The following COMP variants were observed in gnomAD, a reference collection of about 807,000 sequenced individuals.
COMP encodes cartilage oligomeric matrix protein.
In COMP, 79 loss-of-function variants were observed where a neutral mutation model predicts 95.8. That is an observed-to-expected ratio of 0.82 (90% CI 0.69 to 0.99). The LOEUF (loss-of-function observed/expected upper bound fraction) is 0.99, where lower values mean the gene tolerates loss of function less well. Ranked by LOEUF, COMP falls within the 50% of genes least tolerant of loss-of-function variation. COMP has a pLI of 0.00. For synonymous variants in COMP, 438 were observed against 433.9 expected (o/e 1.01, Z -0.12); for missense variants, 906 against 1,076.1 (o/e 0.84, Z 2.21).
At chr19:18,783,465 ACT>A (rs2055140640) in intron 17 of COMP, among the ~76,000 whole-genome samples, 1 of 152,130 alleles carries the variant, frequency 6.6e-6, no homozygotes, top group Non-Finnish European at 1.5e-5. Context: ...CTGGATACAC[ACT>A]GTGTGCTGTG....
intron 2 of COMP, 39 bp downstream of exon 2, chr19:18,790,811 G>C (rs1473246794): frequency 1.3e-6 from 2 of 1,557,000 alleles, no homozygotes; most frequent in Non-Finnish European, 1.7e-6. Flanking sequence ...ACCCCCTTCC[G>C]TTCCCTGGCA....
rs1195611690 is a variant in COMP at position 18,784,154 on chromosome 19, C to CCCCAG, written c.2087+32_2087+36dup. On this transcript the variant is annotated intron_variant, in intron 17 of 18. Coordinates refer to ENST00000222271, the MANE Select transcript of COMP (RefSeq NM_000095.3). The surrounding 1 kb of genome is among the most constrained non-coding windows in gnomAD (Gnocchi z 4.9). Reference sequence around the variant, plus strand: ...GGCACTCCCACCTGGGCCTGTGTGTCCCCAGCCCAGCCCACCACAGAGGGT... The same window carrying CCCCAG: ...GGCACTCCCACCTGGGCCTGTGTGTCCCCAGCCCAGCCCAGCCCACCACAGAGGGT... 6 of 1,610,660 alleles carry CCCCAG rather than the reference C, an allele frequency of 3.7e-6. No homozygotes were observed. The African/African-American group carries it at 6.7e-5, about 18-fold the overall frequency.
In COMP at chr19:18,791,185, G is replaced by C. The variant is rs1469755020; in HGVS notation, c.79+6C>G. The C allele has an allele frequency of 6.3e-7, 1 of 1,578,824 alleles. No homozygotes were observed. The highest frequency in any genetic ancestry group is 8.6e-7 in the Non-Finnish European group (1 of 1,163,960). ...TGGGCACGGCGCGGGTGCTAACGCG[G>C]CTTACCCAACGGGCTCTGGCCCTGT... is the stretch of plus-strand genomic sequence containing the variant. On this transcript the variant is annotated splice_donor_region_variant and intron_variant, in intron 1 of 18. Coordinates refer to ENST00000222271, the MANE Select transcript of COMP (RefSeq NM_000095.3).
Position 18,788,947 on chromosome 19 carries a change from C to A in COMP, c.529-34G>T. The stretch of plus-strand genomic sequence containing the variant: ...GGGGAACTCAGAGGTCACCACCCCA[C>A]GCAGACACCTCCGGACCTCCCACCT... On this transcript the variant is annotated intron_variant, in intron 5 of 18. Coordinates refer to ENST00000222271, the MANE Select transcript of COMP (RefSeq NM_000095.3). The surrounding 1 kb of genome is among the most constrained non-coding windows in gnomAD (Gnocchi z 4.7). The A allele has an allele frequency of 6.2e-7, 1 of 1,607,482 alleles. No homozygotes were observed. The highest frequency in any genetic ancestry group is 1.1e-5 in the South Asian group (1 of 90,428).
intron 3 of COMP, 112 bp from the exon 4 acceptor site, chr19:18,790,226 C>G: frequency 1.2e-6 from 1 of 828,738 alleles, no homozygotes; most frequent in East Asian, 2.9e-5. Flanking sequence ...CCCCACCCCC[C>G]GCCCCGGGGC....
At chr19:18,791,169 C>CG in intron 1 of COMP, 22 bp downstream of exon 1, 1 of 1,566,462 alleles carries the variant, frequency 6.4e-7, no homozygotes, top group Non-Finnish European at 8.6e-7. Flanking sequence ...GTGGGCACGG[C>CG]GCGGGTGCTA....
rs748881562 is a variant in COMP, at chr19:18,790,874, G to A, written c.141C>T (p.Asp47=). The change falls in exon 2 of 19, where the codon GAC becomes GAT. Residue 47 remains aspartate (D), a synonymous_variant. Coordinates refer to ENST00000222271, the MANE Select transcript of COMP (RefSeq NM_000095.3). Reference sequence around the variant, plus strand: ...CCTGCTGCCGCAGCAGCTCCCGCACGTCCTGCAGCGCCGCGTTGGTTTCCT... The same window carrying A: ...CCTGCTGCCGCAGCAGCTCCCGCACATCCTGCAGCGCCGCGTTGGTTTCCT... The part of the protein sequence containing the change: ...ELQETNAALQ[D]VRELLRQQVR... 24 of 1,568,106 alleles carry A rather than the reference G, an allele frequency of 1.5e-5. No homozygotes were observed. Among genetic ancestry groups the A allele is most frequent in the Admixed American group, 5.6e-5 (3 of 53,570 alleles).
intron 10 of COMP, 62 bp from the exon 11 acceptor site, chr19:18,786,712 G>A: frequency 8.3e-7 from 1 of 1,203,958 alleles, no homozygotes; most frequent in South Asian, 1.2e-5. Flanking sequence ...ACTTCATTAG[G>A]ATGAGGCCAG....
rs143954978 is a variant in COMP, at chr19:18,789,950, C to T, written c.382G>A (p.Val128Ile). 3.0e-4 allele frequency: 473 copies of T among 1,592,262 alleles called. No individual in the cohort carries two copies. Among genetic ancestry groups the T allele is most frequent in the Non-Finnish European group, 3.8e-4 (452 of 1,177,602 alleles). The change falls in exon 4 of 19, where the codon GTC (valine) becomes ATC (isoleucine). Residue 128 changes from valine to isoleucine, a missense_variant. Physicochemically the swap from Val to Ile is conservative, Grantham distance 29 (BLOSUM62 3). Coordinates refer to ENST00000222271, the MANE Select transcript of COMP (RefSeq NM_000095.3). The surrounding 1 kb of genome is among the most constrained non-coding windows in gnomAD (Gnocchi z 6.1). ...TGTCGGGGCTAGCGCACCTCGTTGA[C>T]GTCGGTGCAGTGCGAGCCGTTGCCC... The part of the protein sequence containing the change: ...FTGNGSHCTD[V>I]NECNAHPCFP...
Position 18,788,398 on chromosome 19 carries a change from G to GACC in COMP, c.867+11_867+12insGGT. 4.8e-6 allele frequency: 3 copies of GACC among 622,130 alleles called. No homozygotes were observed. Among genetic ancestry groups the GACC allele is most frequent in the Non-Finnish European group, 8.1e-6 (3 of 370,138 alleles). 38.5% of individuals were successfully genotyped at this position (622,130 alleles called of 1,614,324 possible). ...CTCCTGCCCAAGCCCGCCCCGCTCCGCCCCCACCCACCTTACGGCACTGGC... is the reference window on the plus strand; with the variant it reads ...CTCCTGCCCAAGCCCGCCCCGCTCCGACCCCCCCACCCACCTTACGGCACTGGC... On this transcript the variant is annotated intron_variant, in intron 8 of 18. Coordinates refer to ENST00000222271, the MANE Select transcript of COMP (RefSeq NM_000095.3). The surrounding 1 kb of genome is among the most constrained non-coding windows in gnomAD (Gnocchi z 4.7).
At chr19:18,790,537 C>T (rs371839787) in intron 3 of COMP, 25 bp downstream of exon 3, 1 of 1,613,464 alleles carries the variant, frequency 6.2e-7, no homozygotes, top group African/African-American at 1.3e-5. Flanking sequence ...TCTCTTCTCT[C>T]TCCCGACCGC....
chr19:18,790,719 A>T, intron 2 of COMP, 106 bp from the exon 3 acceptor site: 2 of 1,602,376 alleles, frequency 1.2e-6, no homozygotes, highest in Non-Finnish European at 8.5e-7. Flanking sequence ...TTCGCCAAGG[A>T]CTCCCTACCC....
chr19:18,786,401 C>T lies in COMP; in HGVS notation c.1255-110G>A, dbSNP rs150080950. On this transcript the variant is annotated intron_variant, in intron 11 of 18. Coordinates refer to ENST00000222271, the MANE Select transcript of COMP (RefSeq NM_000095.3). ...CCTCCTGACCCCAAGGAAACCCCCA[C>T]CGCAGGCTGCTCGGACCGAGAGGTC... 4.2e-4 allele frequency: 652 copies of T among 1,560,014 alleles called. 5 individuals are homozygous for T. The African/African-American group carries it at 7.6e-3, about 18-fold the overall frequency.
Position 18,790,097 on chromosome 19 carries a change from G to C in COMP, c.235C>G (p.Arg79Gly). The change falls in exon 4 of 19, where the codon CGC becomes GGC. Residue 79 changes from arginine to glycine, a missense_variant. Arg to Gly is a moderately radical substitution (Grantham distance 125). Coordinates refer to ENST00000222271, the MANE Select transcript of COMP (RefSeq NM_000095.3). The part of the protein sequence containing the change: ...CDACGMQQSV[R>G]TGLPSVRPLL... The stretch of plus-strand genomic sequence containing the variant: ...GGCCGCACGCTGGGTAGGCCGGTGC[G>C]TACTGACTGCTGCATCCCTGCGGGG... 3 of 1,537,770 alleles carry C rather than the reference G, an allele frequency of 2.0e-6. No individual in the cohort carries two copies. Among genetic ancestry groups the C allele is most frequent in the Non-Finnish European group, 2.6e-6 (3 of 1,145,112 alleles).
chr19:18,787,864 C>CTCTT lies in COMP; in HGVS notation c.976-218_976-215dup, dbSNP rs1555791611. On this transcript the variant is annotated intron_variant, in intron 9 of 18. Transcript: ENST00000222271. ...TCTTTTCTTTTTTCTTTTTCTTTTTCTCTTTCTTTCTTTCTTTCTTTCTTT... is the reference window on the plus strand; with the variant it reads ...TCTTTTCTTTTTTCTTTTTCTTTTTCTCTTTCTTTCTTTCTTTCTTTCTTTCTTT... Among the ~76,000 whole-genome samples, 76 of 108,888 alleles carry CTCTT rather than the reference C, an allele frequency of 7.0e-4. 1 individual carries two copies. The highest frequency in any genetic ancestry group is 1.3e-3 in the Non-Finnish European group (69 of 54,434). 71.4% of individuals were successfully genotyped at this position (108,888 alleles called of 152,430 possible). A position where few individuals can be genotyped will look rare whatever the true frequency, so the allele number is the denominator to read the frequency against.
Position 18,784,195 on chromosome 19 carries a change from T to C in COMP, c.2083A>G (p.Ile695Val), listed in dbSNP as rs767622438. 1 of 1,613,486 alleles carries C rather than the reference T, an allele frequency of 6.2e-7. No homozygotes were observed. The stretch of plus-strand genomic sequence containing the variant: ...CACAGAGGGTGGAGTCCCCACCTGA[T>C]GTAGCCCACTTGGGGCCGGTGCTGC... ...FLQHRPQVGY[I>V]RVRFYEGPEL... Residue 695 changes from isoleucine to valine, a missense_variant, in exon 17 of 19, where the codon ATC (isoleucine) becomes GTC (valine). By Grantham distance (29) the Ile-to-Val change is conservative. Transcript: ENST00000222271. The surrounding 1 kb of genome is among the most constrained non-coding windows in gnomAD (Gnocchi z 4.9).
rs767536660 is a variant in COMP, at chr19:18,783,209, G to A, written c.2088-16C>T. 1.2e-6 allele frequency: 2 copies of A among 1,605,540 alleles called. No homozygotes were observed. The highest frequency in any genetic ancestry group is 1.7e-5 in the Admixed American group (1 of 59,996). On this transcript the variant is annotated splice_polypyrimidine_tract_variant and intron_variant, in intron 17 of 18. Coordinates refer to ENST00000222271, the MANE Select transcript of COMP (RefSeq NM_000095.3). ...GAATCGCACCCTGAGGGTCAGACAT[G>A]GTGAGGCCTGGGGGACCTGGGCCAG... is the stretch of plus-strand genomic sequence containing the variant.
In COMP at chr19:18,788,137, C is replaced by G. The variant is rs1004616053; in HGVS notation, c.975+75G>C. 1.4e-5 allele frequency: 18 copies of G among 1,245,596 alleles called. No individual in the cohort carries two copies. The highest frequency in any genetic ancestry group is 2.1e-5 in the Non-Finnish European group (18 of 859,798). 77.2% of individuals were successfully genotyped at this position (1,245,596 alleles called of 1,614,324 possible). A position where few individuals can be genotyped will look rare whatever the true frequency, so the allele number is the denominator to read the frequency against. ...CAGGATGGTCTCCATCTCTTGACCT[C>G]GTGATCCGCCCGCCTCGGCCTCCCA... On this transcript the variant is annotated intron_variant, in intron 9 of 18. Coordinates refer to ENST00000222271, the MANE Select transcript of COMP (RefSeq NM_000095.3). The surrounding 1 kb of genome is among the most constrained non-coding windows in gnomAD (Gnocchi z 4.7).
chr19:18,784,857 A>G lies in COMP; in HGVS notation c.1914+39T>C, dbSNP rs1428740124. 1.2e-6 allele frequency: 2 copies of G among 1,607,996 alleles called. No individual in the cohort carries two copies. The highest frequency in any genetic ancestry group is 2.7e-5 in the African/African-American group (2 of 74,744). ...GTTTTACGGAGGGTCATGGGAGGGC[A>G]TGAGGACCGCAGAGGTCAGGCACGG... On this transcript the variant is annotated intron_variant, in intron 16 of 18. Transcript: ENST00000222271. This position sits in a 1 kb window ranked among gnomAD's most constrained non-coding sequence, Gnocchi z 4.9.
Sources: allele counts gnomAD v4.1 joint callset (sites outside exome capture counted in the v4.1 genomes callset), GRCh38; gene constraint gnomAD v4.1.1; non-coding constraint Gnocchi (gnomAD v3.1); transcripts MANE v1.5; gene names NCBI Gene and HGNC (gene_info 2026-07-23, HGNC 2026-07-21).